Variants in JPH3 observed in about 807,000 individuals in gnomAD.
JPH3 encodes junctophilin-3.
A neutral mutation model predicts 59.6 loss-of-function variants in JPH3; 11 were observed. That is an observed-to-expected ratio of 0.18 (90% CI 0.12 to 0.31). The LOEUF (loss-of-function observed/expected upper bound fraction) is 0.31. JPH3 is among the 10% of genes least tolerant of loss of function. JPH3 has a pLI of 1.00. For synonymous variants in JPH3, 673 were observed against 483.6 expected (o/e 1.39, Z -5.14); for missense variants, 1,202 against 1,105.7 (o/e 1.09, Z -1.24).
At chr16:87,685,209 A>G (rs1398249039) in intron 3 of JPH3, among the ~76,000 whole-genome samples, 1 of 151,864 alleles carries the variant, frequency 6.6e-6, no homozygotes, top group East Asian at 1.9e-4. Flanking sequence ...GTCCGCCACC[A>G]CTCCAAGACC....
Position 87,603,473 on chromosome 16 carries a change from G to T in JPH3, c.327G>T (p.Gly109=). The part of the protein sequence containing the change: ...ECAGNGAKYE[G]TWSNGLQDGY... ...CGGGCAACGGGGCCAAATACGAAGG[G>T]ACCTGGAGCAACGGGCTGCAGGACG... is the stretch of plus-strand genomic sequence containing the variant. Residue 109 remains glycine (G), a synonymous_variant, in exon 1 of 5, where the codon GGG becomes GGT. Coordinates refer to ENST00000284262, the MANE Select transcript of JPH3 (RefSeq NM_020655.4). 1.3e-6 allele frequency: 2 copies of T among 1,558,192 alleles called. No individual in the cohort carries two copies. The highest frequency in any genetic ancestry group is 1.2e-5 in the South Asian group (1 of 84,732).
chr16:87,688,393 T>G (rs1435982634), intron 3 of JPH3, among the ~76,000 whole-genome samples: 1 of 152,150 alleles, frequency 6.6e-6, no homozygotes, highest in Non-Finnish European at 1.5e-5. Flanking sequence ...TGCTAACGTC[T>G]CTTTACAAAC....
intron 1 of JPH3, among the ~76,000 whole-genome samples, chr16:87,631,526 C>A (rs545707189): frequency 2.0e-5 from 3 of 152,066 alleles, no homozygotes; most frequent in Non-Finnish European, 4.4e-5. Context: ...CATTTAGGGT[C>A]TTTGTCATTT....
At chr16:87,612,145 G>A (rs1468928063) in intron 1 of JPH3, among the ~76,000 whole-genome samples, 4 of 152,020 alleles carry the variant, frequency 2.6e-5, no homozygotes, top group African/African-American at 7.3e-5. Context: ...TTTTTCAGAC[G>A]GGGGCTGGCT....
rs376853682 is a variant in JPH3 at position 87,676,905 on chromosome 16, C to T, written c.1161-7237C>T. 6.5e-4 allele frequency among the ~76,000 whole-genome samples: 99 copies of T among 151,564 alleles called. 1 individual carries two copies. The East Asian group carries it at 0.011, about 18-fold the overall frequency. On this transcript the variant is annotated intron_variant, in intron 2 of 4. Coordinates refer to ENST00000284262, the MANE Select transcript of JPH3 (RefSeq NM_020655.4). ...ACAAAAATTAGGCCAGGCGCGGTGGCGCACGCCTGTAATCCCAGCACTTGG... is the reference window on the plus strand; with the variant it reads ...ACAAAAATTAGGCCAGGCGCGGTGGTGCACGCCTGTAATCCCAGCACTTGG...
At chr16:87,644,065 G>A (rs970410581) in intron 1 of JPH3, among the ~76,000 whole-genome samples, 193 bp from the exon 2 acceptor site, 1 of 152,214 alleles carries the variant, frequency 6.6e-6, no homozygotes, top group African/African-American at 2.4e-5. Flanking sequence ...CTGAGCCCAG[G>A]GGTTCCTGGC....
chr16:87,680,579 C>T (rs939709558), intron 2 of JPH3, among the ~76,000 whole-genome samples: 7 of 152,222 alleles, frequency 4.6e-5, no homozygotes, highest in African/African-American at 1.7e-4. Context: ...TAGGTGGAGG[C>T]ACTACGGAGC....
chr16:87,653,696 A>C (rs2032400575), intron 2 of JPH3: 1 of 152,212 alleles, frequency 6.6e-6, no homozygotes, highest in South Asian at 2.1e-4. Context: ...GTGTCCCCCT[A>C]AAGTTCATGC....
chr16:87,618,657 G>A (rs539436257), intron 1 of JPH3, among the ~76,000 whole-genome samples: 2 of 152,310 alleles, frequency 1.3e-5, no homozygotes, highest in South Asian at 2.1e-4. Flanking sequence ...ATCCGCACCT[G>A]TCATCGCCTG....
Position 87,696,594 on chromosome 16 carries a change from C to T in JPH3, c.2181C>T (p.Ile727=), listed in dbSNP as rs200827482. 2 of 1,613,386 alleles carry T rather than the reference C, an allele frequency of 1.2e-6. No individual in the cohort carries two copies. The highest frequency in any genetic ancestry group is 1.3e-5 in the African/African-American group (1 of 74,932). Residue 727 remains isoleucine (I), a synonymous_variant, in exon 5 of 5, where the codon ATC becomes ATT. Transcript: ENST00000284262. ...ELKSSTGSAP[I]LVVMVILLNI... is the part of the protein sequence containing the mutation. ...CTCTCTTCCAGGGCTCAGCGCCTAT[C>T]CTGGTGGTCATGGTGATCTTGCTCA...
At chr16:87,619,087 CAAA>C (rs59368116) in intron 1 of JPH3, among the ~76,000 whole-genome samples, 120 of 140,490 alleles carry the variant, frequency 8.5e-4, no homozygotes, top group African/African-American at 2.7e-3. Flanking sequence ...GACTCTGTCT[CAAA>C]AAAAAAAAAA....
chr16:87,608,198 A>C (rs1416797407), intron 1 of JPH3, among the ~76,000 whole-genome samples: 2 of 152,228 alleles, frequency 1.3e-5, no homozygotes, highest in Admixed American at 6.5e-5. Flanking sequence ...ACCCAGCCGG[A>C]GAGAGCAAGA....
intron 2 of JPH3, among the ~76,000 whole-genome samples, chr16:87,663,193 C>T (rs1197563504): frequency 6.6e-6 from 1 of 151,614 alleles, no homozygotes; most frequent in African/African-American, 2.4e-5. Flanking sequence ...ACTGCAACTT[C>T]CGCCTCCCAG....
intron 4 of JPH3, chr16:87,695,527 C>T (rs1368865635): frequency 5.3e-5 from 24 of 451,550 alleles, no homozygotes; most frequent in Middle Eastern, 3.3e-4. Context: ...AGATGCAGGG[C>T]GTGGTGGGGG....
intron 1 of JPH3, among the ~76,000 whole-genome samples, chr16:87,639,772 C>T (rs1226111219): frequency 6.6e-6 from 1 of 152,208 alleles, no homozygotes; most frequent in African/African-American, 2.4e-5. Context: ...GGATTTGTCC[C>T]TTCCAGCCTG....
rs879664002 is a variant in JPH3, at chr16:87,664,422, C to T, written c.1160+19387C>T. Reference sequence around the variant, plus strand: ...GGTGGATCACTTGAGGTCAGGAGTTCGAGACCAGCCTGGCCAACATGGTGA... The same window carrying T: ...GGTGGATCACTTGAGGTCAGGAGTTTGAGACCAGCCTGGCCAACATGGTGA... On this transcript the variant is annotated intron_variant, in intron 2 of 4. Coordinates refer to ENST00000284262, the MANE Select transcript of JPH3 (RefSeq NM_020655.4). 2.3e-4 allele frequency among the ~76,000 whole-genome samples: 34 copies of T among 150,142 alleles called. 1 individual carries two copies. Among genetic ancestry groups the T allele is most frequent in the Middle Eastern group, 3.5e-3 (1 of 288 alleles).
chr16:87,693,447 G>T (rs1338625522), intron 4 of JPH3: 4 of 152,424 alleles, frequency 2.6e-5, no homozygotes, highest in African/African-American at 9.6e-5. Flanking sequence ...GCCGAGGCAG[G>T]TGGATCACCT....
At chr16:87,665,248 C>T (rs573892405) in intron 2 of JPH3, among the ~76,000 whole-genome samples, 8 of 152,318 alleles carry the variant, frequency 5.3e-5, no homozygotes, top group South Asian at 2.1e-4. Flanking sequence ...ATTGGCTGCC[C>T]GGGACCTGCT....
chr16:87,627,827 C>T (rs377202458), intron 1 of JPH3, among the ~76,000 whole-genome samples: 7 of 152,332 alleles, frequency 4.6e-5, no homozygotes, highest in African/African-American at 1.4e-4. Flanking sequence ...AGGGGCCAGT[C>T]CTGCCCCGAG....
Sources: gnomAD v4.1 joint callset for allele counts (sites outside exome capture counted in the v4.1 genomes callset) on GRCh38, gnomAD v4.1.1 for gene constraint, MANE v1.5 for transcripts, NCBI Gene and HGNC (gene_info 2026-07-23, HGNC 2026-07-21) for gene names.